The following METTL15 variants were observed in gnomAD, a reference collection of about 807,000 sequenced individuals.
METTL15 encodes 12S rRNA N(4)-cytidine methyltransferase METTL15.
A neutral mutation model predicts 38.3 loss-of-function variants in METTL15; 34 were observed. The ratio of observed to expected loss-of-function variants is 0.89; its 90% CI spans 0.68 to 1.18. The LOEUF (loss-of-function observed/expected upper bound fraction) is 1.18. Among genes scored for constraint, METTL15 ranks in the 50% most tolerant of loss-of-function variants. METTL15 has a pLI of 0.00. For synonymous variants in METTL15, 162 were observed against 170.9 expected, an observed-to-expected ratio of 0.95 and a Z score of 0.41; for missense variants, 438 against 498.4, an observed-to-expected ratio of 0.88 and a Z score of 1.15.
chr11:28,189,591 A>G lies in METTL15; in HGVS notation c.271-21471A>G, dbSNP rs183922614. ...CTCAATTAACCATGGAGCAAGTGGT[A>G]GTAAATAACACAGGCCAGTTTAAAA... On this transcript the variant is annotated intron_variant, in intron 3 of 6. Transcript: ENST00000407364. Among the ~76,000 whole-genome samples the G allele has an allele frequency of 2.0e-5, 3 of 151,398 alleles. No homozygotes were observed. In the East Asian group the frequency reaches 5.8e-4, roughly 29 times the overall value.
intron 4 of METTL15, among the ~76,000 whole-genome samples, chr11:28,265,588 A>T (rs1855381552): frequency 6.6e-6 from 1 of 151,998 alleles, no homozygotes; most frequent in South Asian, 2.1e-4. Flanking sequence ...TACTTATATC[A>T]TGTCAATCAA....
chr11:28,352,634 T>C (rs1305881708), intron 4 of METTL15, among the ~76,000 whole-genome samples: 1 of 152,210 alleles, frequency 6.6e-6, no homozygotes, highest in Non-Finnish European at 1.5e-5. Flanking sequence ...TCCTGCTCCT[T>C]ACCCTGTCTT....
At chr11:28,526,333 A>G (rs540356351) in intron 6 of METTL15, 1 of 154,186 alleles carries the variant, frequency 6.5e-6, no homozygotes, top group Non-Finnish European at 1.4e-5. Flanking sequence ...GGCTGCCAGC[A>G]TGCTGTCACC....
intron 6 of METTL15, among the ~76,000 whole-genome samples, chr11:28,443,992 C>A (rs1164315774): frequency 6.6e-6 from 1 of 152,140 alleles, no homozygotes; most frequent in East Asian, 1.9e-4. Context: ...TTTTTTCACT[C>A]AATTCCATGT....
At chr11:28,430,510 G>GC (rs559980507) in intron 6 of METTL15, among the ~76,000 whole-genome samples, 4,065 of 4,292 alleles carry the variant, frequency 0.95, 1,924 homozygotes, top group Middle Eastern at 1. Flanking sequence ...GGGGGGGTCA[G>GC]CCCCCCACCC....
At chr11:28,174,877 A>G (rs560756637) in intron 3 of METTL15, among the ~76,000 whole-genome samples, 68 of 151,100 alleles carry the variant, frequency 4.5e-4, no homozygotes, top group Non-Finnish European at 8.4e-4. Context: ...CTGTAAAACC[A>G]TACATCTTTC....
chr11:28,180,563 G>A (rs1327587653), intron 3 of METTL15, among the ~76,000 whole-genome samples: 6 of 151,748 alleles, frequency 4.0e-5, no homozygotes, highest in African/African-American at 1.5e-4. Context: ...GGATGCTAGT[G>A]TTTATCAGAA....
At chr11:28,468,691 C>T (rs2133461569) in intron 6 of METTL15, among the ~76,000 whole-genome samples, 1 of 152,284 alleles carries the variant, frequency 6.6e-6, no homozygotes, top group South Asian at 2.1e-4. Context: ...TTGCAAATAA[C>T]TCCTTGAGTC....
intron 5 of METTL15, among the ~76,000 whole-genome samples, chr11:28,378,220 C>G (rs1167167505): frequency 1.3e-5 from 2 of 152,220 alleles, no homozygotes; most frequent in Admixed American, 6.5e-5. Context: ...TTTACCTAAG[C>G]AAGCTTGGGC....
At chr11:28,390,455 A>G (rs1307716426) in intron 5 of METTL15, among the ~76,000 whole-genome samples, 1 of 152,144 alleles carries the variant, frequency 6.6e-6, no homozygotes, top group African/African-American at 2.4e-5. Context: ...ATGGCTAGCC[A>G]GTTTTCGCAG....
chr11:28,304,249 T>C (rs550442212), intron 6 of METTL15, among the ~76,000 whole-genome samples: 8 of 152,286 alleles, frequency 5.3e-5, no homozygotes, highest in Middle Eastern at 3.4e-3. Context: ...TTAGGAGTTA[T>C]GTGACTTGTA....
intron 3 of METTL15, among the ~76,000 whole-genome samples, chr11:28,351,095 T>A (rs1442922584): frequency 1.4e-5 from 2 of 140,320 alleles, no homozygotes; most frequent in Admixed American, 7.5e-5. Context: ...GATAGACTGC[T>A]TAAAGCTATG....
chr11:28,495,953 G>A lies in METTL15; in HGVS notation c.*425-30525G>A, dbSNP rs532459871. Among the ~76,000 whole-genome samples, 9 of 152,244 alleles carry A rather than the reference G, an allele frequency of 5.9e-5. No individual in the cohort carries two copies. In the South Asian group the frequency reaches 8.3e-4, roughly 14 times the overall value. On this transcript the variant is annotated intron_variant and NMD_transcript_variant, in intron 6 of 7. Transcript: ENST00000532947. ...TGCTTGTCTTTCTTCATGGCTAACC[G>A]AATTCTTCAGATATCCTGAATGCAT...
In METTL15 at chr11:28,197,527, C is replaced by T. The variant is rs553497301; in HGVS notation, c.271-13535C>T. ...TGGTGTATTTATTTCCATTTACACA[C>T]GAGGAAACTGAGGCTCAGAGAAGTT... On this transcript the variant is annotated intron_variant, in intron 3 of 6. Coordinates refer to ENST00000407364, the MANE Select transcript of METTL15 (RefSeq NM_001113528.2). 1.1e-4 allele frequency: 49 copies of T among 443,312 alleles called. 2 individuals are homozygous for T. Among genetic ancestry groups the T allele is most frequent in the South Asian group, 7.6e-4 (45 of 59,414 alleles). The allele number at this position is 443,312 out of a possible 1,614,324, so 27.5% of individuals were successfully genotyped here. A position where few individuals can be genotyped will look rare whatever the true frequency, so the allele number is the denominator to read the frequency against.
intron 4 of METTL15, among the ~76,000 whole-genome samples, chr11:28,240,605 T>C (rs975955568): frequency 1.3e-5 from 2 of 152,190 alleles, no homozygotes; most frequent in Admixed American, 1.3e-4. Flanking sequence ...AGGATTAAAA[T>C]CTTAAATATA....
intron 4 of METTL15, among the ~76,000 whole-genome samples, chr11:28,234,827 A>G (rs1472489916): frequency 6.9e-6 from 1 of 145,580 alleles, no homozygotes; most frequent in Non-Finnish European, 1.5e-5. Flanking sequence ...CCATTTGTCA[A>G]TTTTGGCTTT....
At chr11:28,207,217 C>T (rs1234500273) in intron 3 of METTL15, among the ~76,000 whole-genome samples, 1 of 151,752 alleles carries the variant, frequency 6.6e-6, no homozygotes, top group Non-Finnish European at 1.5e-5. Context: ...CCAGTTTTTG[C>T]ACATTCAGTA....
intron 5 of METTL15, among the ~76,000 whole-genome samples, chr11:28,390,698 A>T (rs1054052534): frequency 3.9e-5 from 6 of 152,106 alleles, no homozygotes; most frequent in African/African-American, 1.2e-4. Context: ...CTTAGGATTG[A>T]CTTGGCAATG....
rs530558325 is a variant in METTL15, at chr11:28,207,389, C to G, written c.271-3673C>G. Among the ~76,000 whole-genome samples, 740 of 152,162 alleles carry G rather than the reference C, an allele frequency of 4.9e-3. 4 individuals carry two copies. Among genetic ancestry groups the G allele is most frequent in the Non-Finnish European group, 7.9e-3 (535 of 67,992 alleles). On this transcript the variant is annotated intron_variant, in intron 3 of 6. Transcript: ENST00000407364. ...AATCATGTGGTTTTTGTCTTTGGTT[C>G]TGTTTATATGCTGGATTACATTTAT... is the stretch of plus-strand genomic sequence containing the variant.
Sources: gnomAD v4.1 joint callset for allele counts (sites outside exome capture counted in the v4.1 genomes callset) on GRCh38, gnomAD v4.1.1 for gene constraint, MANE v1.5 for transcripts, NCBI Gene and HGNC (gene_info 2026-07-23, HGNC 2026-07-21) for gene names.